The following ZBTB20 variants were observed in gnomAD, a reference collection of about 807,000 sequenced individuals.
ZBTB20 encodes zinc finger and BTB domain containing 20.
ZBTB20 carries 9 observed loss-of-function variants against 56.9 expected under a neutral mutation model. The ratio of observed to expected loss-of-function variants is 0.16; its 90% confidence interval spans 0.10 to 0.28. The LOEUF (loss-of-function observed/expected upper bound fraction) is 0.28. ZBTB20 is among the 10% of genes least tolerant of loss of function. The probability of loss-of-function intolerance (pLI) is 1.00; values close to 1 mark genes in which losing one functional copy is unlikely to be tolerated. For missense variants in ZBTB20, 655 were observed against 1,003.0 expected (o/e 0.65, Z 4.69); for synonymous variants, 417 against 420.7 (o/e 0.99, Z 0.11).
At chr3:114,643,638 A>G (rs2059678438) in intron 6 of ZBTB20, among the ~76,000 whole-genome samples, 1 of 152,106 alleles carries the variant, frequency 6.6e-6, no homozygotes. Flanking sequence ...TGGTGAATCA[A>G]CACTTTAAGG....
chr3:114,377,891 TAAA>T (rs1223897101), intron 10 of ZBTB20, among the ~76,000 whole-genome samples: 7 of 152,144 alleles, frequency 4.6e-5, no homozygotes, highest in African/African-American at 1.7e-4. Context: ...ACATGACAAA[TAAA>T]AAGGTGCTAT....
chr3:114,504,770 A>G (rs1219433284), intron 6 of ZBTB20, among the ~76,000 whole-genome samples: 3 of 152,196 alleles, frequency 2.0e-5, no homozygotes, highest in Admixed American at 6.5e-5. Context: ...AGAGTTTGAG[A>G]AGCATGGTTA....
chr3:114,781,767 C>T (rs1238711789), intron 5 of ZBTB20, among the ~76,000 whole-genome samples: 1 of 152,048 alleles, frequency 6.6e-6, no homozygotes, highest in East Asian at 1.9e-4. Context: ...GGGCGGTTTC[C>T]CCCATACTGT....
Position 114,396,851 on chromosome 3 carries a change from T to A in ZBTB20, c.-254-7746A>T, listed in dbSNP as rs1201568804. 2.0e-5 allele frequency among the ~76,000 whole-genome samples: 3 copies of A among 152,190 alleles called. No homozygotes were observed. In the East Asian group the frequency reaches 5.8e-4, roughly 29 times the overall value. On this transcript the variant is annotated intron_variant, in intron 7 of 11. Transcript: ENST00000675478. ...AATCCAAAAACTCATTAACACTTCT[T>A]TTCAACAGACTTTATCACCCCTTTT...
chr3:115,138,105 CTGTT>C (rs2084702338), intron 1 of ZBTB20, among the ~76,000 whole-genome samples: 1 of 152,098 alleles, frequency 6.6e-6, no homozygotes, highest in Admixed American at 6.5e-5. Flanking sequence ...TTTGAATATA[CTGTT>C]TCTAGTCTCC....
chr3:114,467,328 C>T (rs1252978754), intron 7 of ZBTB20, among the ~76,000 whole-genome samples: 3 of 151,986 alleles, frequency 2.0e-5, no homozygotes, highest in Non-Finnish European at 4.4e-5. Context: ...TTCAAGAATG[C>T]AGTGAGGAGA....
chr3:114,569,066 C>T (rs1399298431), intron 6 of ZBTB20, among the ~76,000 whole-genome samples: 2 of 152,122 alleles, frequency 1.3e-5, no homozygotes, highest in Non-Finnish European at 2.9e-5. Context: ...CCCTTTAGTT[C>T]CAGCTACATC....
chr3:114,900,524 C>G (rs879317972), intron 3 of ZBTB20, 182 bp from the exon 4 acceptor site: 1 of 151,346 alleles, frequency 6.6e-6, no homozygotes, highest in Non-Finnish European at 1.5e-5. Context: ...CACACACACA[C>G]ACACACACAC....
intron 8 of ZBTB20, among the ~76,000 whole-genome samples, chr3:114,386,679 C>G (rs537424444): frequency 6.6e-6 from 1 of 152,158 alleles, no homozygotes; most frequent in East Asian, 1.9e-4. Context: ...AAGGGAAGCC[C>G]AAGGACAAGA....
At chr3:114,502,491 A>AC (rs11423413) in intron 6 of ZBTB20, among the ~76,000 whole-genome samples, 62,829 of 151,948 alleles carry the variant, frequency 0.41, 13,546 homozygotes, top group African/African-American at 0.53. Context: ...GGATTATTAT[A>AC]ATGCTAATAC....
intron 6 of ZBTB20, among the ~76,000 whole-genome samples, chr3:114,567,278 T>C (rs935030926): frequency 2.0e-5 from 3 of 152,202 alleles, no homozygotes; most frequent in African/African-American, 7.2e-5. Context: ...CAATTATCTA[T>C]CTACAGGGTC....
chr3:114,495,459 AC>A (rs2043186652), intron 7 of ZBTB20, among the ~76,000 whole-genome samples: 1 of 148,892 alleles, frequency 6.7e-6, no homozygotes, highest in Non-Finnish European at 1.5e-5. Flanking sequence ...GTATACACAC[AC>A]ACACACACAC....
chr3:114,770,544 T>C (rs984437522), intron 5 of ZBTB20, among the ~76,000 whole-genome samples: 5 of 152,054 alleles, frequency 3.3e-5, no homozygotes, highest in African/African-American at 1.2e-4. Context: ...TGTAGTAATA[T>C]ATGATAAGCA....
chr3:114,460,487 G>A (rs1397195104), intron 7 of ZBTB20, among the ~76,000 whole-genome samples: 1 of 152,206 alleles, frequency 6.6e-6, no homozygotes, highest in Non-Finnish European at 1.5e-5. Flanking sequence ...GTTAGCAGAT[G>A]TGATGACAGA....
intron 3 of ZBTB20, among the ~76,000 whole-genome samples, chr3:114,935,505 A>T (rs1014555144): frequency 6.6e-6 from 1 of 152,010 alleles, no homozygotes; most frequent in African/African-American, 2.4e-5. Context: ...TTTCTTTTTT[A>T]AAAAAAATTA....
chr3:114,981,709 C>A (rs1315388298), intron 2 of ZBTB20, among the ~76,000 whole-genome samples: 3 of 151,988 alleles, frequency 2.0e-5, no homozygotes, highest in Non-Finnish European at 2.9e-5. Flanking sequence ...AACTAAGGAA[C>A]AGAGGGAGTA....
intron 6 of ZBTB20, among the ~76,000 whole-genome samples, chr3:114,580,952 C>T (rs1314162450): frequency 1.3e-5 from 2 of 151,708 alleles, no homozygotes; most frequent in African/African-American, 2.4e-5. Context: ...AGCCCTAAAA[C>T]TCATATTGAA....
intron 6 of ZBTB20, among the ~76,000 whole-genome samples, chr3:114,647,595 C>T (rs1365629919): frequency 1.3e-5 from 2 of 152,148 alleles, no homozygotes; most frequent in Non-Finnish European, 2.9e-5. Flanking sequence ...AATCAAACTC[C>T]ACTATTTATT....
rs1366005217 is a variant in ZBTB20 at position 114,328,028 on chromosome 3, T to C, written c.*10977A>G. On this transcript the variant is annotated 3_prime_UTR_variant, in exon 12 of 12. Coordinates refer to ENST00000675478, the MANE Select transcript of ZBTB20 (RefSeq NM_001348800.3). ...GGGAGATCTAGCATGACAACCAAAT[T>C]ATATGGGGCGTATTTAGGTGCTGGG... 6.6e-6 allele frequency: 1 copy of C among 152,160 alleles called. No individual in the cohort carries two copies. Among genetic ancestry groups the C allele is most frequent in the Non-Finnish European group, 1.5e-5 (1 of 68,018 alleles). 9.4% of individuals were successfully genotyped at this position (152,160 alleles called of 1,614,324 possible). A position where few individuals can be genotyped will look rare whatever the true frequency, so the allele number is the denominator to read the frequency against.
Sources: gnomAD v4.1 joint callset for allele counts (sites outside exome capture counted in the v4.1 genomes callset) on GRCh38, gnomAD v4.1.1 for gene constraint, MANE v1.5 for transcripts, NCBI Gene and HGNC (gene_info 2026-07-23, HGNC 2026-07-21) for gene names.